RBFOX1: variants seen among roughly 807,000 people sequenced by gnomAD.
RBFOX1 encodes the protein RNA binding fox-1 homolog 1.
RBFOX1 carries 8 observed loss-of-function variants against 57.7 expected under a neutral mutation model. The observed-to-expected ratio is 0.14, with a 90% CI of 0.08 to 0.25. RBFOX1 has a LOEUF of 0.25. Ranked by LOEUF, RBFOX1 falls within the 10% of genes least tolerant of loss-of-function variation. RBFOX1 has a pLI of 1.00. For missense variants in RBFOX1, 611 were observed against 548.5 expected (o/e 1.11, Z -1.14); for synonymous variants, 326 against 222.4 (o/e 1.47, Z -4.15).
chr16:6,398,513 A>C (rs1222526634), intron 2 of RBFOX1, among the ~76,000 whole-genome samples: 1 of 152,100 alleles, frequency 6.6e-6, no homozygotes. Flanking sequence ...CAGGCATCGG[A>C]TAAATACACT....
chr16:7,211,278 G>C (rs1326328131), intron 4 of RBFOX1, among the ~76,000 whole-genome samples: 1 of 151,258 alleles, frequency 6.6e-6, no homozygotes, highest in Non-Finnish European at 1.5e-5. Flanking sequence ...TGTAGTCCCA[G>C]CTTCTCGGGA....
intron 4 of RBFOX1, among the ~76,000 whole-genome samples, chr16:5,932,295 G>A (rs556383204): frequency 6.6e-6 from 1 of 152,342 alleles, no homozygotes; most frequent in Non-Finnish European, 1.5e-5. Context: ...GAATACAGAA[G>A]GTCTGTGGGA....
At chr16:6,997,438 T>C (rs1427952110) in intron 3 of RBFOX1, among the ~76,000 whole-genome samples, 7 of 152,202 alleles carry the variant, frequency 4.6e-5, no homozygotes, top group Non-Finnish European at 8.8e-5. Context: ...AGTTCATTTA[T>C]ATCCACGAGC....
At chr16:6,117,535 G>T (rs1040610969) in intron 1 of RBFOX1, among the ~76,000 whole-genome samples, 2 of 152,226 alleles carry the variant, frequency 1.3e-5, no homozygotes, top group Admixed American at 1.3e-4. Context: ...ATGAGATTAA[G>T]CCCATTGTAC....
intron 2 of RBFOX1, among the ~76,000 whole-genome samples, chr16:5,529,878 T>C (rs2044395909): frequency 6.6e-6 from 1 of 152,074 alleles, no homozygotes; most frequent in Non-Finnish European, 1.5e-5. Flanking sequence ...TCAGTGTCCT[T>C]TTAAATGGGG....
At chr16:5,955,634 GTTGTTA>G (rs1459357110) in intron 4 of RBFOX1, among the ~76,000 whole-genome samples, 1 of 152,028 alleles carries the variant, frequency 6.6e-6, no homozygotes, top group Admixed American at 6.6e-5. Context: ...GATGAGCACT[GTTGTTA>G]TTATCATAGA....
At chr16:6,411,593 A>G (rs910712549) in intron 2 of RBFOX1, among the ~76,000 whole-genome samples, 10 of 152,208 alleles carry the variant, frequency 6.6e-5, no homozygotes, top group Admixed American at 6.5e-4. Context: ...CGAGCTATTA[A>G]TTAAATTTGA....
intron 3 of RBFOX1, among the ~76,000 whole-genome samples, chr16:5,811,513 C>A (rs565209585): frequency 6.7e-6 from 1 of 149,710 alleles, no homozygotes; most frequent in Non-Finnish European, 1.5e-5. Flanking sequence ...TGCAGTGGCA[C>A]AATCTCAGCT....
intron 4 of RBFOX1, among the ~76,000 whole-genome samples, chr16:5,880,790 A>G (rs1317559422): frequency 6.6e-6 from 1 of 152,210 alleles, no homozygotes; most frequent in Non-Finnish European, 1.5e-5. Context: ...AATACAAAAT[A>G]CTTAGAATCA....
chr16:7,550,060 G>T (rs1285998460), intron 5 of RBFOX1, among the ~76,000 whole-genome samples: 1 of 152,098 alleles, frequency 6.6e-6, no homozygotes, highest in African/African-American at 2.4e-5. Flanking sequence ...CTCCCTAGTA[G>T]CTGGGAACAC....
intron 4 of RBFOX1, among the ~76,000 whole-genome samples, chr16:7,326,179 G>T (rs559423713): frequency 1.3e-5 from 2 of 152,198 alleles, no homozygotes; most frequent in African/African-American, 4.8e-5. Flanking sequence ...CTGGGTGAAT[G>T]GCAGGCAAAC....
intron 2 of RBFOX1, among the ~76,000 whole-genome samples, chr16:6,563,840 A>G (rs1401975302): frequency 2.0e-5 from 3 of 151,694 alleles, no homozygotes; most frequent in African/African-American, 4.9e-5. Context: ...AAAAAAATAT[A>G]TATATATGTG....
At chr16:7,578,244 C>A (rs2093484045) in intron 5 of RBFOX1, among the ~76,000 whole-genome samples, 1 of 152,290 alleles carries the variant, frequency 6.6e-6, no homozygotes, top group South Asian at 2.1e-4. Flanking sequence ...ACTCATTATT[C>A]TTTATTTACC....
chr16:7,600,154 A>T (rs546965403), intron 9 of RBFOX1, among the ~76,000 whole-genome samples: 2 of 152,168 alleles, frequency 1.3e-5, no homozygotes, highest in South Asian at 2.1e-4. Context: ...GTTTCCAGGA[A>T]TAAGTCAGTC....
chr16:5,438,239 C>G (rs77803246), intron 1 of RBFOX1, among the ~76,000 whole-genome samples: 3,200 of 152,280 alleles, frequency 0.021, 122 homozygotes, highest in African/African-American at 0.073. Context: ...TGTGATCACC[C>G]TCACTCCCAT....
intron 4 of RBFOX1, among the ~76,000 whole-genome samples, chr16:7,302,774 C>T (rs1288948575): frequency 1.4e-5 from 2 of 144,886 alleles, no homozygotes; most frequent in Non-Finnish European, 3.0e-5. Context: ...GGACCAAGGA[C>T]GAGTTAGAGT....
chr16:5,851,514 G>T (rs1018411514), intron 3 of RBFOX1, among the ~76,000 whole-genome samples: 1 of 152,202 alleles, frequency 6.6e-6, no homozygotes, highest in Non-Finnish European at 1.5e-5. Context: ...GAAATGCTCA[G>T]GGGTCACTGG....
intron 3 of RBFOX1, among the ~76,000 whole-genome samples, chr16:6,815,006 T>C (rs536517438): frequency 6.6e-6 from 1 of 152,310 alleles, no homozygotes; most frequent in East Asian, 1.9e-4. Context: ...CTCATCCTTA[T>C]CATTACTTCT....
At chr16:7,346,002 G>C (rs11646908) in intron 4 of RBFOX1, among the ~76,000 whole-genome samples, 1 of 151,738 alleles carries the variant, frequency 6.6e-6, no homozygotes, top group Non-Finnish European at 1.5e-5. Context: ...AACAGGCCCC[G>C]GTGTGTGATG....
Sources: gnomAD v4.1 joint callset for allele counts (sites outside exome capture counted in the v4.1 genomes callset) on GRCh38, gnomAD v4.1.1 for gene constraint, MANE v1.5 for transcripts, NCBI Gene and HGNC (gene_info 2026-07-23, HGNC 2026-07-21) for gene names.